SLC24A2: variants seen among roughly 807,000 people sequenced by gnomAD.
The protein encoded by SLC24A2 is sodium/potassium/calcium exchanger 2.
SLC24A2 carries 36 observed loss-of-function variants against 62.0 expected under a neutral mutation model. The observed-to-expected ratio is 0.58, with a 90% CI of 0.44 to 0.77. SLC24A2 has a LOEUF of 0.77. Among genes scored for constraint, SLC24A2 ranks in the 30% least tolerant of loss-of-function variants. The pLI is 0.00. For synonymous variants in SLC24A2, 358 were observed against 294.0 expected, an observed-to-expected ratio of 1.22 and a Z score of -2.23; for missense variants, 846 against 817.9, an observed-to-expected ratio of 1.03 and a Z score of -0.42.
the SLC24A2 span, among the ~76,000 whole-genome samples, chr9:20,282,266 G>T: frequency 6.6e-6 from 1 of 152,090 alleles, no homozygotes; most frequent in African/African-American, 2.4e-5. Context: ...CCCAGAAAAG[G>T]ATCCAAAAGA....
the SLC24A2 span, among the ~76,000 whole-genome samples, chr9:19,960,746 C>T: frequency 6.6e-6 from 1 of 152,054 alleles, no homozygotes; most frequent in Non-Finnish European, 1.5e-5. Flanking sequence ...TTAGGCAAAT[C>T]ACATAATCTC....
the SLC24A2 span, among the ~76,000 whole-genome samples, chr9:20,274,923 G>A: frequency 6.6e-6 from 1 of 152,122 alleles, no homozygotes; most frequent in East Asian, 1.9e-4. Context: ...AGCCGGAAGA[G>A]GTGACCCTTA....
chr9:19,865,459 A>G, the SLC24A2 span, among the ~76,000 whole-genome samples: 6 of 152,214 alleles, frequency 3.9e-5, no homozygotes, highest in African/African-American at 1.4e-4. Flanking sequence ...AAATTATGCT[A>G]GAAAGATATG....
the SLC24A2 span, among the ~76,000 whole-genome samples, chr9:20,051,025 C>G: frequency 2.0e-5 from 3 of 152,048 alleles, no homozygotes; most frequent in African/African-American, 4.8e-5. Flanking sequence ...GATGGTAGAT[C>G]TAAGCCCAAA....
Position 19,776,074 on chromosome 9 carries a change from C to A in SLC24A2, c.930+9863G>T, listed in dbSNP as rs145934919. On this transcript the variant is annotated intron_variant, in intron 2 of 10. Transcript: ENST00000341998. ...CTTTATATGGATATGTAAATATGCA[C>A]ATATGTATGTGTGCATGCATGTGCA... 9.9e-5 allele frequency among the ~76,000 whole-genome samples: 15 copies of A among 152,204 alleles called. No individual in the cohort carries two copies. The East Asian group carries it at 2.9e-3, about 29-fold the overall frequency.
At chr9:19,938,437 T>C in the SLC24A2 span, among the ~76,000 whole-genome samples, 2 of 152,178 alleles carry the variant, frequency 1.3e-5, no homozygotes, top group Admixed American at 6.5e-5. Flanking sequence ...TTCCCAATAC[T>C]GTGACACTTC....
the SLC24A2 span, among the ~76,000 whole-genome samples, chr9:20,135,737 A>T: frequency 6.6e-6 from 1 of 151,978 alleles, no homozygotes; most frequent in Non-Finnish European, 1.5e-5. Context: ...ATTTTTTTTT[A>T]ATTTTAATTT....
chr9:19,961,097 A>C, the SLC24A2 span, among the ~76,000 whole-genome samples: 8 of 147,936 alleles, frequency 5.4e-5, no homozygotes, highest in African/African-American at 1.0e-4. Context: ...AAGAGAAGAA[A>C]GGAGAGAGAG....
chr9:19,851,276 C>T, the SLC24A2 span, among the ~76,000 whole-genome samples: 35 of 151,298 alleles, frequency 2.3e-4, no homozygotes, highest in East Asian at 2.7e-3. Flanking sequence ...CCACCTGCCT[C>T]GGCCTTCTAA....
intron 8 of SLC24A2, among the ~76,000 whole-genome samples, chr9:19,542,352 A>G (rs1374506227): frequency 6.6e-6 from 1 of 152,162 alleles, no homozygotes; most frequent in Non-Finnish European, 1.5e-5. Context: ...GGGACAATAG[A>G]GTTTTCTAAA....
At chr9:19,998,409 G>T in the SLC24A2 span, among the ~76,000 whole-genome samples, 7 of 152,142 alleles carry the variant, frequency 4.6e-5, no homozygotes, top group African/African-American at 1.7e-4. Context: ...TACCCTCTGT[G>T]AGCCTTGTGA....
chr9:20,234,993 C>A, the SLC24A2 span, among the ~76,000 whole-genome samples: 2 of 152,246 alleles, frequency 1.3e-5, no homozygotes, highest in Non-Finnish European at 2.9e-5. Context: ...GAGATCCACT[C>A]CAGACCCTGT....
chr9:20,055,306 T>G, the SLC24A2 span, among the ~76,000 whole-genome samples: 10 of 152,170 alleles, frequency 6.6e-5, no homozygotes, highest in African/African-American at 2.2e-4. Context: ...TTAGGCAAAA[T>G]TGAAGAAAAA....
the SLC24A2 span, among the ~76,000 whole-genome samples, chr9:19,856,360 G>A: frequency 1.3e-5 from 2 of 152,114 alleles, no homozygotes; most frequent in Non-Finnish European, 2.9e-5. Context: ...GAGAAGAAGA[G>A]GCACTCTGGC....
chr9:20,258,593 G>A, the SLC24A2 span, among the ~76,000 whole-genome samples: 1 of 152,108 alleles, frequency 6.6e-6, no homozygotes, highest in Non-Finnish European at 1.5e-5. Flanking sequence ...TTGGGCTCTG[G>A]GACTCATACC....
the SLC24A2 span, among the ~76,000 whole-genome samples, chr9:19,891,259 A>G: frequency 6.6e-6 from 1 of 152,228 alleles, no homozygotes; most frequent in South Asian, 2.1e-4. Context: ...AATATTTTAG[A>G]GCATAGGTCA....
chr9:20,195,020 CT>C, the SLC24A2 span, among the ~76,000 whole-genome samples: 582 of 152,182 alleles, frequency 3.8e-3, 6 homozygotes, highest in African/African-American at 0.013. Context: ...TCTTTTTGAA[CT>C]TTTTATTAAT....
the SLC24A2 span, among the ~76,000 whole-genome samples, chr9:20,166,491 T>C: frequency 2.0e-5 from 3 of 151,968 alleles, no homozygotes; most frequent in African/African-American, 7.2e-5. Context: ...AGAAGATCTC[T>C]GTAAATTGAT....
At chr9:20,072,352 G>A in the SLC24A2 span, among the ~76,000 whole-genome samples, 1 of 152,018 alleles carries the variant, frequency 6.6e-6, no homozygotes, top group African/African-American at 2.4e-5. Flanking sequence ...GCCTTGAGTG[G>A]GTGAAAGGAG....
Sources: allele counts gnomAD v4.1 joint callset (sites outside exome capture counted in the v4.1 genomes callset), GRCh38; gene constraint gnomAD v4.1.1; transcripts MANE v1.5; gene names NCBI Gene and HGNC (gene_info 2026-07-23, HGNC 2026-07-21).